Variants in KLHL29 observed in about 807,000 individuals in gnomAD.
KLHL29 encodes kelch-like protein 29.
A neutral mutation model predicts 80.4 loss-of-function variants in KLHL29; 21 were observed. The ratio of observed to expected loss-of-function variants is 0.26; its 90% CI spans 0.19 to 0.38. The LOEUF is 0.38. Among genes scored for constraint, KLHL29 ranks in the 10% least tolerant of loss-of-function variants. KLHL29 has a pLI of 1.00. For synonymous variants in KLHL29, 511 were observed against 526.8 expected (o/e 0.97, Z 0.41); for missense variants, 867 against 1,223.9 (o/e 0.71, Z 4.35).
At chr2:23,595,846 G>C (rs1161439307) in intron 3 of KLHL29, among the ~76,000 whole-genome samples, 1 of 152,162 alleles carries the variant, frequency 6.6e-6, no homozygotes, top group Non-Finnish European at 1.5e-5. Flanking sequence ...GTGGCTGCTA[G>C]GCCAGTGAAT....
chr2:23,509,233 T>C (rs1665699942), intron 2 of KLHL29, among the ~76,000 whole-genome samples: 4 of 152,194 alleles, frequency 2.6e-5, no homozygotes, highest in Non-Finnish European at 5.9e-5. Context: ...GGGTTATTTC[T>C]GCCTCCACAC....
intron 1 of KLHL29, among the ~76,000 whole-genome samples, chr2:23,433,339 C>T (rs532293971): frequency 1.3e-5 from 2 of 152,344 alleles, no homozygotes; most frequent in South Asian, 2.1e-4. Flanking sequence ...TCCCCGGATC[C>T]GAGCTTGGAG....
At chr2:23,585,817 G>T (rs1025604727) in intron 3 of KLHL29, among the ~76,000 whole-genome samples, 1 of 152,162 alleles carries the variant, frequency 6.6e-6, no homozygotes, top group East Asian at 1.9e-4. Flanking sequence ...TCCCAGAAAC[G>T]AACTTCCAAG....
chr2:23,558,846 G>A (rs1667366740), intron 2 of KLHL29, among the ~76,000 whole-genome samples: 1 of 152,252 alleles, frequency 6.6e-6, no homozygotes, highest in Non-Finnish European at 1.5e-5. Context: ...GAAAAAACAA[G>A]CATTAGTTTA....
At chr2:23,631,573 G>C (rs796883079) in intron 3 of KLHL29, among the ~76,000 whole-genome samples, 3 of 152,358 alleles carry the variant, frequency 2.0e-5, no homozygotes, top group East Asian at 1.9e-4. Flanking sequence ...GGGCCAGGGG[G>C]CCAGAGAGGG....
At chr2:23,597,408 T>TATATA (rs1491544130) in intron 3 of KLHL29, among the ~76,000 whole-genome samples, 1 of 17,316 alleles carries the variant, frequency 5.8e-5, no homozygotes, top group African/African-American at 2.3e-4. Flanking sequence ...TATATATATA[T>TATATA]TTTTTTTTTT....
chr2:23,421,965 C>T (rs1558332241), intron 1 of KLHL29, among the ~76,000 whole-genome samples: 1 of 143,470 alleles, frequency 7.0e-6, no homozygotes, highest in Non-Finnish European at 1.5e-5. Context: ...CTGTGTGTGT[C>T]ATATGTTGTG....
intron 3 of KLHL29, among the ~76,000 whole-genome samples, chr2:23,619,924 A>C (rs1450262361): frequency 6.6e-6 from 1 of 152,220 alleles, no homozygotes. Flanking sequence ...GGGGTTGAGC[A>C]AATAGGACTT....
chr2:23,620,363 G>C (rs1669140967), intron 3 of KLHL29, among the ~76,000 whole-genome samples: 2 of 152,136 alleles, frequency 1.3e-5, no homozygotes, highest in South Asian at 2.1e-4. Flanking sequence ...GCCACACAAA[G>C]AACAGATTCA....
chr2:23,583,760 A>G (rs1403139038), intron 3 of KLHL29, among the ~76,000 whole-genome samples: 2 of 152,264 alleles, frequency 1.3e-5, no homozygotes, highest in African/African-American at 4.8e-5. Context: ...GATCAGACTC[A>G]GAGAGCATCA....
At chr2:23,577,843 G>A (rs377193686) in intron 3 of KLHL29, among the ~76,000 whole-genome samples, 31 of 152,218 alleles carry the variant, frequency 2.0e-4, no homozygotes, top group African/African-American at 6.0e-4. Flanking sequence ...GGCTTGGAGC[G>A]GGGGTGGCTG....
At chr2:23,459,099 A>C (rs1448745325) in intron 1 of KLHL29, among the ~76,000 whole-genome samples, 1 of 152,050 alleles carries the variant, frequency 6.6e-6, no homozygotes, top group East Asian at 1.9e-4. Flanking sequence ...GGAGGGAGAA[A>C]GCCTCCACAG....
intron 1 of KLHL29, among the ~76,000 whole-genome samples, chr2:23,434,189 C>T (rs906241017): frequency 6.4e-4 from 97 of 151,888 alleles, no homozygotes; most frequent in Non-Finnish European, 1.1e-3. Context: ...GGCGTGTTGG[C>T]GGGCGCCTGT....
intron 2 of KLHL29, among the ~76,000 whole-genome samples, chr2:23,502,006 C>A (rs1665460594): frequency 6.6e-6 from 1 of 152,162 alleles, no homozygotes. Context: ...AAGACTCCTT[C>A]CTCCAAGAAA....
chr2:23,672,833 A>G (rs1343716253), intron 5 of KLHL29: 2 of 152,458 alleles, frequency 1.3e-5, no homozygotes, highest in Non-Finnish European at 2.9e-5. Flanking sequence ...AGGGGTCAGA[A>G]AGGGCTGGAA....
intron 1 of KLHL29, among the ~76,000 whole-genome samples, chr2:23,438,918 T>A (rs183638744): frequency 1.4e-5 from 2 of 142,664 alleles, no homozygotes; most frequent in East Asian, 2.0e-4. Context: ...TGGTAGAATT[T>A]GGCTGTGAAT....
intron 5 of KLHL29, among the ~76,000 whole-genome samples, chr2:23,646,591 A>T (rs772648272): frequency 2.0e-5 from 3 of 152,148 alleles, no homozygotes; most frequent in Non-Finnish European, 4.4e-5. Context: ...GGTCATGAGG[A>T]TCCATCTACA....
chr2:23,413,251 G>A (rs1013173080), intron 1 of KLHL29, among the ~76,000 whole-genome samples: 7 of 152,136 alleles, frequency 4.6e-5, no homozygotes, highest in South Asian at 2.1e-4. Flanking sequence ...ATTCTTCAGC[G>A]GAGTCGTGCT....
At chr2:23,422,937 C>T (rs1490263199) in intron 1 of KLHL29, among the ~76,000 whole-genome samples, 1 of 152,258 alleles carries the variant, frequency 6.6e-6, no homozygotes, top group Non-Finnish European at 1.5e-5. Context: ...TCGCCCACAC[C>T]TCTGTTGGTG....
Sources: allele counts gnomAD v4.1 joint callset (sites outside exome capture counted in the v4.1 genomes callset), GRCh38; gene constraint gnomAD v4.1.1; transcripts MANE v1.5; gene names NCBI Gene and HGNC (gene_info 2026-07-23, HGNC 2026-07-21).